Variants in ABRAXAS2 observed in about 807,000 individuals in gnomAD.
The protein encoded by ABRAXAS2 is abraxas 2, BRISC complex subunit.
ABRAXAS2 carries 23 observed loss-of-function variants against 49.0 expected under a neutral mutation model. The ratio of observed to expected loss-of-function variants is 0.47; its 90% CI spans 0.34 to 0.66. ABRAXAS2 has a LOEUF of 0.66. Among genes scored for constraint, ABRAXAS2 ranks in the 30% least tolerant of loss-of-function variants. The probability of loss-of-function intolerance (pLI) is 0.01; values close to 1 mark genes in which losing one functional copy is unlikely to be tolerated. For missense variants in ABRAXAS2, 443 were observed against 511.9 expected (o/e 0.87, Z 1.30); for synonymous variants, 168 against 180.2 (o/e 0.93, Z 0.54).
chr10:124,829,615 T>TCAAG, intron 7 of ABRAXAS2, 138 bp downstream of exon 7: 4 of 601,952 alleles, frequency 6.6e-6, no homozygotes, highest in South Asian at 2.2e-5. Flanking sequence ...CAGAACAGAG[T>TCAAG]CAAGCTGTGG....
At chr10:124,810,784 T>C (rs1006986767) in intron 2 of ABRAXAS2, among the ~76,000 whole-genome samples, 8 of 151,606 alleles carry the variant, frequency 5.3e-5, no homozygotes, top group African/African-American at 1.4e-4. Context: ...GGTTTCACCA[T>C]GTTGGCCAGG....
chr10:124,826,823 G>C (rs753348237), intron 5 of ABRAXAS2, 38 bp downstream of exon 5: 29 of 1,599,810 alleles, frequency 1.8e-5, no homozygotes, highest in Non-Finnish European at 2.5e-5. Context: ...CATATAAGAA[G>C]GACGTTGGGA....
In ABRAXAS2 at chr10:124,834,664, A is replaced by T. The variant is rs1436147704; in HGVS notation, c.941A>T (p.Asn314Ile). Residue 314 changes from asparagine to isoleucine, a missense_variant, in exon 9 of 9, where the codon AAC becomes ATC. By Grantham distance (149) the Asn-to-Ile change is moderately radical. This residue lies in a region of ABRAXAS2 where 230 missense variants were observed against 237.0 expected (regional missense o/e 0.97). Coordinates refer to ENST00000298492, the MANE Select transcript of ABRAXAS2 (RefSeq NM_032182.4). ...PPPPYSDFHPNNQESTLSHSR... is the reference protein window; with the variant it reads ...PPPPYSDFHPINQESTLSHSR... Reference sequence around the variant, plus strand: ...CCCCCTTACTCTGATTTTCACCCAAACAATCAAGAAAGTACTTTGAGCCAC... The same window carrying T: ...CCCCCTTACTCTGATTTTCACCCAATCAATCAAGAAAGTACTTTGAGCCAC... 2.5e-6 allele frequency: 4 copies of T among 1,614,094 alleles called. No individual in the cohort carries two copies. Among genetic ancestry groups the T allele is most frequent in the South Asian group, 2.2e-5 (2 of 91,076 alleles).
In ABRAXAS2 at chr10:124,806,965, A is replaced by G. The variant is rs1357810025; in HGVS notation, c.163+44A>G. ...GACCTTAGAAATATCTTTTTTGTAT[A>G]TTTACTTAATGTTTGTTTTGTTGTT... On this transcript the variant is annotated intron_variant, in intron 2 of 8. Coordinates refer to ENST00000298492, the MANE Select transcript of ABRAXAS2 (RefSeq NM_032182.4). The G allele has an allele frequency of 8.3e-6, 11 of 1,330,902 alleles. No individual in the cohort carries two copies. In the East Asian group the frequency reaches 2.1e-4, roughly 25 times the overall value. The allele number at this position is 1,330,902 out of a possible 1,614,324, so 82.4% of individuals were successfully genotyped here.
At chr10:124,805,589 G>A (rs972284710) in intron 1 of ABRAXAS2, among the ~76,000 whole-genome samples, 2 of 152,144 alleles carry the variant, frequency 1.3e-5, no homozygotes, top group Non-Finnish European at 2.9e-5. Flanking sequence ...CCCTGCTCTC[G>A]TGGAGTTTAC....
rs778680430 is a variant in ABRAXAS2 at position 124,834,691 on chromosome 10, C to G, written c.968C>G (p.Ser323Cys). ...AATCAAGAAAGTACTTTGAGCCACT[C>G]TCGCATGGAAAGGAGTGTCTTTATG... ...PNNQESTLSH[S>C]RMERSVFMPR... The change falls in exon 9 of 9, where the codon TCT (serine) becomes TGT (cysteine). Residue 323 changes from serine to cysteine, a missense_variant. Around this residue, in one of 3 missense-constraint regions of ABRAXAS2, gnomAD observed 230 missense variants for 237.0 expected, o/e 0.97. Coordinates refer to ENST00000298492, the MANE Select transcript of ABRAXAS2 (RefSeq NM_032182.4). 8.7e-6 allele frequency: 14 copies of G among 1,614,012 alleles called. No individual in the cohort carries two copies. The highest frequency in any genetic ancestry group is 1.1e-5 in the Non-Finnish European group (13 of 1,180,034).
At chr10:124,826,470 G>T in intron 4 of ABRAXAS2, 125 bp from the exon 5 acceptor site, 1 of 841,180 alleles carries the variant, frequency 1.2e-6, no homozygotes. Flanking sequence ...TGGACGCTTG[G>T]GTTGTTCCAG....
rs200196371 is a variant in ABRAXAS2 at position 124,834,575 on chromosome 10, G to A, written c.852G>A (p.Pro284=). The change falls in exon 9 of 9, where the codon CCG becomes CCA. Residue 284 remains proline, a synonymous_variant. Transcript: ENST00000298492. ...SLDPAFSPRM[P]SSGFAAEGRS... is the part of the protein sequence containing the mutation. ...ACCCAGCGTTCAGTCCTCGGATGCC[G>A]TCCTCTGGGTTTGCAGCTGAAGGCA... is the stretch of plus-strand genomic sequence containing the variant. 1.7e-5 allele frequency: 28 copies of A among 1,614,016 alleles called. No homozygotes were observed. Among genetic ancestry groups the A allele is most frequent in the African/African-American group, 4.0e-5 (3 of 74,920 alleles).
chr10:124,808,855 G>T (rs1950765140), intron 2 of ABRAXAS2, among the ~76,000 whole-genome samples: 1 of 152,218 alleles, frequency 6.6e-6, no homozygotes, highest in African/African-American at 2.4e-5. Flanking sequence ...GGCTAGCGGG[G>T]TGCAGTGGCT....
At chr10:124,834,379 G>C in intron 8 of ABRAXAS2, 123 bp from the exon 9 acceptor site, 1 of 711,408 alleles carries the variant, frequency 1.4e-6, no homozygotes, top group Non-Finnish European at 2.3e-6. Flanking sequence ...ATAATTAATA[G>C]TGACAGTCAG....
intron 8 of ABRAXAS2, among the ~76,000 whole-genome samples, chr10:124,833,635 T>A (rs1434190828): frequency 1.3e-5 from 2 of 152,194 alleles, no homozygotes; most frequent in African/African-American, 4.8e-5. Context: ...ACAATTTAGT[T>A]CTCTTTGCTT....
At chr10:124,810,291 C>G (rs939324534) in intron 2 of ABRAXAS2, among the ~76,000 whole-genome samples, 1 of 152,042 alleles carries the variant, frequency 6.6e-6, no homozygotes, top group Admixed American at 6.6e-5. Context: ...TTCGGGAGGC[C>G]GAGGCAGGAG....
intron 4 of ABRAXAS2, among the ~76,000 whole-genome samples, chr10:124,822,251 C>T (rs1157772069): frequency 2.0e-5 from 3 of 151,990 alleles, no homozygotes; most frequent in Non-Finnish European, 4.4e-5. Flanking sequence ...CATGTAATGA[C>T]ATAGAAAGAT....
At chr10:124,820,175 C>A (rs1366541325) in intron 4 of ABRAXAS2, among the ~76,000 whole-genome samples, 1 of 152,106 alleles carries the variant, frequency 6.6e-6, no homozygotes, top group Admixed American at 6.5e-5. Context: ...TGTACAGGAG[C>A]AGGTAAGGAT....
chr10:124,805,203 G>A (rs1950733040), intron 1 of ABRAXAS2, among the ~76,000 whole-genome samples: 1 of 151,888 alleles, frequency 6.6e-6, no homozygotes, highest in Non-Finnish European at 1.5e-5. Context: ...CGCGGTGGCG[G>A]GCGCCTGTAG....
At chr10:124,802,022 G>A (rs1266604391) in intron 1 of ABRAXAS2, 121 bp downstream of exon 1, 19 of 969,690 alleles carry the variant, frequency 2.0e-5, no homozygotes, top group Non-Finnish European at 2.6e-5. Flanking sequence ...CCGGCCGGAG[G>A]AGCTGGTGAC....
At chr10:124,804,148 C>T (rs1419075246) in intron 1 of ABRAXAS2, among the ~76,000 whole-genome samples, 3 of 152,126 alleles carry the variant, frequency 2.0e-5, no homozygotes, top group Non-Finnish European at 4.4e-5. Flanking sequence ...AGCGATCTTC[C>T]GTTTTTGGCC....
intron 4 of ABRAXAS2, among the ~76,000 whole-genome samples, chr10:124,825,781 A>C (rs944228775): frequency 6.6e-6 from 1 of 152,236 alleles, no homozygotes; most frequent in Non-Finnish European, 1.5e-5. Context: ...AGATGTTTTT[A>C]AATTTCAGTA....
intron 1 of ABRAXAS2, among the ~76,000 whole-genome samples, chr10:124,803,154 A>T (rs908736719): frequency 6.6e-6 from 1 of 152,202 alleles, no homozygotes; most frequent in Non-Finnish European, 1.5e-5. Flanking sequence ...ATGCCTACTA[A>T]TATCACAGTT....
Sources: gnomAD v4.1 joint callset for allele counts (sites outside exome capture counted in the v4.1 genomes callset) on GRCh38, gnomAD v4.1.1 for gene constraint, gnomAD v4.1.1 regional missense constraint, MANE v1.5 for transcripts, NCBI Gene and HGNC (gene_info 2026-07-23, HGNC 2026-07-21) for gene names.